DNAH10: variants seen among roughly 807,000 people sequenced by gnomAD.
DNAH10 encodes the protein dynein axonemal heavy chain 10.
In DNAH10, 348 loss-of-function variants were observed where a neutral mutation model predicts 506.6. That is an observed-to-expected ratio of 0.69 (90% CI 0.63 to 0.75). DNAH10 has a LOEUF of 0.75. Ranked by LOEUF, DNAH10 falls within the 30% of genes least tolerant of loss-of-function variation. The pLI is 0.00. For synonymous variants in DNAH10, 2,059 were observed against 2,198.6 expected, an observed-to-expected ratio of 0.94 and a Z score of 1.78; for missense variants, 5,179 against 5,787.1, an observed-to-expected ratio of 0.89 and a Z score of 3.41.
chr12:123,849,513 AAC>A (rs2136701291), intron 34 of DNAH10, among the ~76,000 whole-genome samples: 1 of 152,216 alleles, frequency 6.6e-6, no homozygotes, highest in South Asian at 2.1e-4. Context: ...ATTCTCTGAA[AAC>A]ACAGGACCAG....
chr12:123,888,199 C>A (rs950193616), intron 52 of DNAH10, among the ~76,000 whole-genome samples: 1 of 151,896 alleles, frequency 6.6e-6, no homozygotes, highest in Admixed American at 6.6e-5. Context: ...CAGAGTGAGA[C>A]CCTGTCTCCA....
chr12:123,866,711 T>A (rs1190629362), intron 41 of DNAH10, among the ~76,000 whole-genome samples: 1 of 152,238 alleles, frequency 6.6e-6, no homozygotes, highest in Non-Finnish European at 1.5e-5. Context: ...ACTCTGCTGT[T>A]GTGGCATGAA....
At chr12:123,818,097 C>T (rs9668641) in intron 21 of DNAH10, among the ~76,000 whole-genome samples, 4,152 of 151,472 alleles carry the variant, frequency 0.027, 191 homozygotes, top group African/African-American at 0.095. Context: ...TATAGGCATG[C>T]GCCACCACCC....
At chr12:123,765,084 C>G (rs1253652655) in intron 1 of DNAH10, among the ~76,000 whole-genome samples, 4 of 151,606 alleles carry the variant, frequency 2.6e-5, no homozygotes. Context: ...CTTTTTTTTC[C>G]TCTTTCTGCC....
rs906457844 is a variant in DNAH10, at chr12:123,787,692, A to T, written c.1422-112A>T. On this transcript the variant is annotated intron_variant, in intron 9 of 78. Coordinates refer to ENST00000673944, the MANE Select transcript of DNAH10 (RefSeq NM_001372106.1). This position sits in a 1 kb window ranked among gnomAD's most constrained non-coding sequence, Gnocchi z 4.6. ...CCTTTTCCGATGAGGCCGTGAAACC[A>T]GGGGGGGCGCCCGGGTCAGAGCTTC... is the stretch of plus-strand genomic sequence containing the variant. 3.8e-6 allele frequency: 5 copies of T among 1,325,324 alleles called. No individual in the cohort carries two copies. The African/African-American group carries it at 4.4e-5, about 12-fold the overall frequency. The allele number at this position is 1,325,324 out of a possible 1,614,324, so 82.1% of individuals were successfully genotyped here. A position where few individuals can be genotyped will look rare whatever the true frequency, so the allele number is the denominator to read the frequency against.
At position 123,845,985 on chromosome 12, in the gene DNAH10, G is replaced by A. The variant is rs56096831; in HGVS notation, c.5645G>A (p.Arg1882Gln). 4.3e-3 allele frequency: 6,959 copies of A among 1,613,982 alleles called. 59 individuals carry two copies. The highest frequency in any genetic ancestry group is 0.032 in the African/African-American group (2,376 of 75,026). The change falls in exon 32 of 79, where the codon CGA (arginine) becomes CAA (glutamine). Residue 1882 changes from arginine to glutamine, a missense_variant. Physicochemically the swap from Arg to Gln is conservative, Grantham distance 43. Around this residue, in one of 3 missense-constraint regions of DNAH10, gnomAD observed 4,844 missense variants for 5,430.5 expected, o/e 0.89. Coordinates refer to ENST00000673944, the MANE Select transcript of DNAH10 (RefSeq NM_001372106.1). ...SFIRGSILEAREFDWESQLRF... is the reference protein window; with the variant it reads ...SFIRGSILEAQEFDWESQLRF... Reference sequence around the variant, plus strand: ...TTGCCGTCCAGTATCCTGGAGGCCCGAGAGTTTGACTGGGAAAGTCAGTTG... The same window carrying A: ...TTGCCGTCCAGTATCCTGGAGGCCCAAGAGTTTGACTGGGAAAGTCAGTTG...
intron 24 of DNAH10, among the ~76,000 whole-genome samples, chr12:123,826,120 T>C (rs1338418928): frequency 1.3e-5 from 2 of 150,382 alleles, no homozygotes; most frequent in African/African-American, 4.9e-5. Context: ...AGACCCTGTC[T>C]CCAAAAAAAA....
chr12:123,862,352 T>C (rs941405464), intron 39 of DNAH10, among the ~76,000 whole-genome samples: 2 of 152,030 alleles, frequency 1.3e-5, no homozygotes, highest in African/African-American at 4.8e-5. Flanking sequence ...TCCTTCTCCT[T>C]CTTCTTCTCC....
intron 13 of DNAH10, among the ~76,000 whole-genome samples, chr12:123,798,730 A>G (rs1392981133): frequency 6.7e-6 from 1 of 148,260 alleles, no homozygotes; most frequent in Non-Finnish European, 1.5e-5. Flanking sequence ...ATTATTTATT[A>G]TATTAACATT....
rs1465428869 is a variant in DNAH10, at chr12:123,783,271, T to C, written c.999+7T>C. On this transcript the variant is annotated splice_region_variant and intron_variant, in intron 7 of 78. Transcript: ENST00000673944. ...ACTGAAGAAGACACCTCAGGTAGTT[T>C]GTGCAGGGCTTTCAGAGAGCCCCGA... 1 of 1,613,360 alleles carries C rather than the reference T, an allele frequency of 6.2e-7. No individual in the cohort carries two copies. The highest frequency in any genetic ancestry group is 8.5e-7 in the Non-Finnish European group (1 of 1,179,794).
At chr12:123,803,398 T>C (rs1958543800) in intron 16 of DNAH10, among the ~76,000 whole-genome samples, 1 of 152,116 alleles carries the variant, frequency 6.6e-6, no homozygotes, top group Non-Finnish European at 1.5e-5. Context: ...ATAGTCCCTT[T>C]CTCCCCATGG....
intron 13 of DNAH10, 57 bp from the exon 14 acceptor site, chr12:123,799,189 G>A (rs1031859826): frequency 1.1e-5 from 13 of 1,221,786 alleles, no homozygotes; most frequent in African/African-American, 4.5e-5. Flanking sequence ...TGTGTAGAGC[G>A]AGATGAAAAA....
chr12:123,821,290 C>A (rs1180803582), intron 24 of DNAH10, among the ~76,000 whole-genome samples: 1 of 151,960 alleles, frequency 6.6e-6, no homozygotes, highest in Non-Finnish European at 1.5e-5. Flanking sequence ...GTGGCGCTGG[C>A]TGTGTGACAT....
rs992400180 is a variant in DNAH10, at chr12:123,789,841, A to G, written c.1621-86A>G. The G allele has an allele frequency of 5.6e-6, 7 of 1,252,808 alleles. No homozygotes were observed. In the African/African-American group the frequency reaches 9.0e-5, roughly 16 times the overall value. 77.6% of individuals were successfully genotyped at this position (1,252,808 alleles called of 1,614,324 possible). A position where few individuals can be genotyped will look rare whatever the true frequency, so the allele number is the denominator to read the frequency against. On this transcript the variant is annotated intron_variant, in intron 10 of 78. Transcript: ENST00000673944. ...GTGACATGATTCTTGCCCCCAGGTC[A>G]GTCTCGATATGCTATCCATTTGTAG...
chr12:123,828,065 A>G (rs1268248472), intron 25 of DNAH10, among the ~76,000 whole-genome samples: 3 of 151,684 alleles, frequency 2.0e-5, no homozygotes, highest in African/African-American at 7.3e-5. Context: ...ATGGCTTTAT[A>G]TTTTTCTTCC....
intron 18 of DNAH10, among the ~76,000 whole-genome samples, chr12:123,807,240 G>T (rs1958716538): frequency 1.3e-5 from 2 of 149,408 alleles, no homozygotes; most frequent in Admixed American, 1.3e-4. Context: ...TCCATCCAAG[G>T]TTGAGTAAAG....
chr12:123,935,218 TTC>T (rs1230000165), intron 78 of DNAH10, 115 bp from the exon 79 acceptor site: 2 of 1,260,226 alleles, frequency 1.6e-6, no homozygotes, highest in East Asian at 4.8e-5. Context: ...CTTGTGCGTG[TTC>T]TCAGGTGCAG....
Position 123,930,511 on chromosome 12 carries a change from T to C in DNAH10, c.12722T>C (p.Phe4241Ser). Residue 4241 changes from phenylalanine to serine, a missense_variant, in exon 73 of 79, where the codon TTC becomes TCC. Around this residue, in one of 3 missense-constraint regions of DNAH10, gnomAD observed 4,844 missense variants for 5,430.5 expected, o/e 0.89. Transcript: ENST00000673944. ...FIFDTFQPFH[F>S]FRNKEVDYKI... ...TTTGATACTTTCCAGCCATTCCACT[T>C]CTTCCGGAACAAGGAAGTGGACTAC... The C allele has an allele frequency of 6.2e-7, 1 of 1,610,358 alleles. No homozygotes were observed. The highest frequency in any genetic ancestry group is 8.5e-7 in the Non-Finnish European group (1 of 1,178,842).
rs1953851153 is a variant in DNAH10, at chr12:123,907,723, C to G, written c.9816-1538C>G. On this transcript the variant is annotated intron_variant, in intron 57 of 78. Coordinates refer to ENST00000673944, the MANE Select transcript of DNAH10 (RefSeq NM_001372106.1). The surrounding 1 kb of genome is among the most constrained non-coding windows in gnomAD (Gnocchi z 4.4). ...GTCTTGAATCTGAAAACATCTGCCCCATTCTTTCCCCACCTGCTTGTTCAC... is the reference window on the plus strand; with the variant it reads ...GTCTTGAATCTGAAAACATCTGCCCGATTCTTTCCCCACCTGCTTGTTCAC... Among the ~76,000 whole-genome samples, 1 of 152,196 alleles carries G rather than the reference C, an allele frequency of 6.6e-6. No homozygotes were observed. The highest frequency in any genetic ancestry group is 1.5e-5 in the Non-Finnish European group (1 of 68,026).
Sources: gnomAD v4.1 joint callset for allele counts (sites outside exome capture counted in the v4.1 genomes callset) on GRCh38, gnomAD v4.1.1 for gene constraint, gnomAD v4.1.1 regional missense constraint, Gnocchi (gnomAD v3.1) non-coding constraint, MANE v1.5 for transcripts, NCBI Gene and HGNC (gene_info 2026-07-23, HGNC 2026-07-21) for gene names.